OTOG: variants seen among roughly 807,000 people sequenced by gnomAD.
OTOG encodes otogelin.
Under a neutral mutation model 313.8 loss-of-function variants are expected in OTOG, and 296 were observed. That is an observed-to-expected ratio of 0.94 (90% CI 0.86 to 1.04). The LOEUF (loss-of-function observed/expected upper bound fraction) is 1.04. Among genes scored for constraint, OTOG ranks in the 50% least tolerant of loss-of-function variants. OTOG has a pLI of 0.00. For synonymous variants in OTOG, 1,533 were observed against 1,554.9 expected, an observed-to-expected ratio of 0.99 and a Z score of 0.33; for missense variants, 3,948 against 3,840.1, an observed-to-expected ratio of 1.03 and a Z score of -0.74.
At chr11:17,630,265 T>C (rs932353498) in intron 40 of OTOG, among the ~76,000 whole-genome samples, 3 of 152,076 alleles carry the variant, frequency 2.0e-5, no homozygotes, top group African/African-American at 7.2e-5. Flanking sequence ...ACCAACACCA[T>C]CACCATCACC....
Position 17,610,644 on chromosome 11 carries a change from C to A in OTOG, c.5344C>A (p.Leu1782Met), listed in dbSNP as rs1366238098. 11 of 1,550,562 alleles carry A rather than the reference C, an allele frequency of 7.1e-6. No homozygotes were observed. The highest frequency in any genetic ancestry group is 9.6e-6 in the Non-Finnish European group (11 of 1,146,996). ...AASLSTATDG[L>M]AATPFMSLES... ...CAGCCTGTCAACAGCCACTGATGGG[C>A]TGGCAGCCACACCCTTCATGTCCCT... Residue 1782 changes from leucine (L) to methionine (M), a missense_variant, in exon 36 of 56, where the codon CTG becomes ATG. By Grantham distance (15) the Leu-to-Met change is conservative. Transcript: ENST00000399397.
chr11:17,552,894 T>C (rs545060569), intron 4 of OTOG, among the ~76,000 whole-genome samples: 10 of 152,344 alleles, frequency 6.6e-5, no homozygotes, highest in African/African-American at 2.2e-4. Context: ...TGGGGGCCAC[T>C]TGATGCACAT....
At chr11:17,570,942 G>A (rs936703176) in intron 17 of OTOG, among the ~76,000 whole-genome samples, 5 of 152,164 alleles carry the variant, frequency 3.3e-5, no homozygotes, top group African/African-American at 1.2e-4. Flanking sequence ...CACGCCGTGA[G>A]CCTCCCCATA....
At chr11:17,611,785 CAT>C (rs751127992) in intron 36 of OTOG, among the ~76,000 whole-genome samples, 1 of 151,768 alleles carries the variant, frequency 6.6e-6, no homozygotes, top group Non-Finnish European at 1.5e-5. Context: ...GAGACATCCT[CAT>C]GTGCATCTTT....
At chr11:17,549,968 A>C (rs1299022913) in intron 3 of OTOG, among the ~76,000 whole-genome samples, 1 of 152,154 alleles carries the variant, frequency 6.6e-6, no homozygotes, top group Non-Finnish European at 1.5e-5. Context: ...TCTTCATTTC[A>C]ATGCTGTCCC....
At chr11:17,632,376 T>G in intron 42 of OTOG, 150 bp downstream of exon 42, 1 of 620,386 alleles carries the variant, frequency 1.6e-6, no homozygotes, top group Non-Finnish European at 2.3e-6. Flanking sequence ...TTATAAATAT[T>G]TCATATGTTT....
chr11:17,604,522 T>G (rs1271263564), intron 32 of OTOG, among the ~76,000 whole-genome samples: 14 of 152,234 alleles, frequency 9.2e-5, no homozygotes, highest in African/African-American at 3.4e-4. Flanking sequence ...CATCCAGCCC[T>G]GCCTCCCTCA....
intron 39 of OTOG, among the ~76,000 whole-genome samples, chr11:17,624,669 GT>G (rs369425649): frequency 1.1e-4 from 16 of 151,604 alleles, no homozygotes; most frequent in African/African-American, 1.7e-4. Context: ...TTTTAAAATA[GT>G]TTTTTTTTCT....
chr11:17,614,795 G>C (rs138739789), intron 39 of OTOG, among the ~76,000 whole-genome samples: 1 of 152,166 alleles, frequency 6.6e-6, no homozygotes, highest in African/African-American at 2.4e-5. Flanking sequence ...TTAACCAGTT[G>C]AAAGATATTT....
intron 39 of OTOG, among the ~76,000 whole-genome samples, chr11:17,625,940 G>A (rs1264340907): frequency 2.0e-5 from 3 of 152,178 alleles, no homozygotes; most frequent in Admixed American, 1.3e-4. Context: ...TGAGGTCTTA[G>A]ATTTAAGTCT....
rs1234783099 is a variant in OTOG, at chr11:17,608,356, G to T, written c.4217G>T (p.Ser1406Ile). Reference sequence around the variant, plus strand: ...GAGTGGCGCTACGATGCCTGTGCCAGCCCCTGCTTCCAAACCTGCCGGGAC... The same window carrying T: ...GAGTGGCGCTACGATGCCTGTGCCATCCCCTGCTTCCAAACCTGCCGGGAC... The part of the protein sequence containing the change: ...ICEWRYDACA[S>I]PCFQTCRDPR... Residue 1406 changes from serine to isoleucine, a missense_variant, in exon 34 of 56, where the codon AGC becomes ATC. Physicochemically the swap from Ser to Ile is moderately radical, Grantham distance 142. Coordinates refer to ENST00000399397, the MANE Select transcript of OTOG (RefSeq NM_001292063.2). The T allele has an allele frequency of 1.3e-6, 2 of 1,547,294 alleles. No homozygotes were observed. Among genetic ancestry groups the T allele is most frequent in the African/African-American group, 2.7e-5 (2 of 72,932 alleles).
At position 17,634,873 on chromosome 11, in the gene OTOG, G is replaced by GC; in HGVS notation, c.7515dup (p.Thr2506HisfsTer24). On this transcript the variant is annotated frameshift_variant, in exon 45 of 56. Transcript: ENST00000399397. LOFTEE classifies it high-confidence loss of function. ...TAACCAGACTCTGTGTGAGGGTCTC[G>GC]CCCCCACATGCCGCCCAGGCCACCG... 2 of 1,475,920 alleles carry GC rather than the reference G, an allele frequency of 1.4e-6. No homozygotes were observed. The highest frequency in any genetic ancestry group is 1.8e-6 in the Non-Finnish European group (2 of 1,101,210). 91.4% of individuals were successfully genotyped at this position (1,475,920 alleles called of 1,614,324 possible).
chr11:17,628,069 T>A lies in OTOG; in HGVS notation c.6529-1064T>A, dbSNP rs553552062. Among the ~76,000 whole-genome samples, 6 of 152,242 alleles carry A rather than the reference T, an allele frequency of 3.9e-5. No homozygotes were observed. The South Asian group carries it at 1.2e-3, about 32-fold the overall frequency. The stretch of plus-strand genomic sequence containing the variant: ...TTTTTTATTTCAAATTTATTTCTGT[T>A]CTGATCTTTATTATTTCTTTTCTTC... On this transcript the variant is annotated intron_variant, in intron 39 of 55. Transcript: ENST00000399397.
At chr11:17,591,678 G>T in intron 25 of OTOG, 90 bp downstream of exon 25, 2 of 1,470,256 alleles carry the variant, frequency 1.4e-6, no homozygotes, top group South Asian at 1.3e-5. Flanking sequence ...TGCAGAATTG[G>T]GTGATCGGGG....
At chr11:17,645,505 C>G (rs1848054993) in intron 54 of OTOG, 59 bp from the exon 55 acceptor site, 1 of 1,513,280 alleles carries the variant, frequency 6.6e-7, no homozygotes, top group Non-Finnish European at 8.9e-7. Flanking sequence ...CTGGCCCATC[C>G]TGCTGCCCCG....
At chr11:17,564,124 G>T (rs1335703070) in intron 15 of OTOG, among the ~76,000 whole-genome samples, 3 of 152,106 alleles carry the variant, frequency 2.0e-5, no homozygotes, top group African/African-American at 7.2e-5. Context: ...TCTCCTCCTT[G>T]TGACTTCACC....
Position 17,645,612 on chromosome 11 carries a change from T to C in OTOG, c.8510T>C (p.Ile2837Thr). The C allele has an allele frequency of 1.3e-6, 2 of 1,550,638 alleles. No homozygotes were observed. Among genetic ancestry groups the C allele is most frequent in the Non-Finnish European group, 1.7e-6 (2 of 1,147,002 alleles). The change falls in exon 55 of 56, where the codon ATC becomes ACC. Residue 2837 changes from isoleucine (I) to threonine (T), a missense_variant. Coordinates refer to ENST00000399397, the MANE Select transcript of OTOG (RefSeq NM_001292063.2). Reference sequence around the variant, plus strand: ...AAGAAGGTGACCATCCGCATGACCATCCGCAAGAATGAATGCAGGAGCAGC... The same window carrying C: ...AAGAAGGTGACCATCCGCATGACCACCCGCAAGAATGAATGCAGGAGCAGC... ...SCKKVTIRMT[I>T]RKNECRSSTP...
intron 15 of OTOG, among the ~76,000 whole-genome samples, chr11:17,568,596 C>T (rs1422800732): frequency 6.6e-6 from 1 of 152,178 alleles, no homozygotes; most frequent in East Asian, 1.9e-4. Flanking sequence ...ATGCCTTGCA[C>T]ATAGTTGGTG....
intron 52 of OTOG, 56 bp from the exon 53 acceptor site, chr11:17,642,071 T>G: frequency 1.3e-6 from 2 of 1,517,210 alleles, no homozygotes; most frequent in African/African-American, 1.4e-5. Flanking sequence ...CCCTATGGGT[T>G]TGCGCAGGCT....
Sources: gnomAD v4.1 joint callset for allele counts (sites outside exome capture counted in the v4.1 genomes callset) on GRCh38, gnomAD v4.1.1 for gene constraint, MANE v1.5 for transcripts, NCBI Gene and HGNC (gene_info 2026-07-23, HGNC 2026-07-21) for gene names.